The following PLXNC1 variants were observed in gnomAD, a reference collection of about 807,000 sequenced individuals.
PLXNC1 encodes the protein plexin-C1.
In PLXNC1, 75 loss-of-function variants were observed where a neutral mutation model predicts 178.2. The ratio of observed to expected loss-of-function variants is 0.42; its 90% confidence interval spans 0.35 to 0.51. The LOEUF (loss-of-function observed/expected upper bound fraction) is 0.51, where lower values mean the gene tolerates loss of function less well. Among genes scored for constraint, PLXNC1 ranks in the 20% least tolerant of loss-of-function variants. The probability of loss-of-function intolerance (pLI) is 0.02; values close to 1 mark genes in which losing one functional copy is unlikely to be tolerated. For synonymous variants in PLXNC1, 790 were observed against 779.9 expected (o/e 1.01, Z -0.22); for missense variants, 1,503 against 1,984.4 (o/e 0.76, Z 4.61).
chr12:94,182,347 G>T (rs2135961030), intron 3 of PLXNC1, among the ~76,000 whole-genome samples: 1 of 142,870 alleles, frequency 7.0e-6, no homozygotes, highest in South Asian at 2.4e-4. Flanking sequence ...GAGGCCAGGA[G>T]TTTAAGGCTG....
At chr12:94,234,948 C>T (rs1964201702) in intron 9 of PLXNC1, among the ~76,000 whole-genome samples, 1 of 152,194 alleles carries the variant, frequency 6.6e-6, no homozygotes, top group Non-Finnish European at 1.5e-5. Flanking sequence ...AGAATTGTTG[C>T]AACCATACAG....
At position 94,227,399 on chromosome 12, in the gene PLXNC1, C is replaced by T. The variant is rs986607076; in HGVS notation, c.1980+164C>T. ...TTAACCAAGTTTCACTTAATTAGCG[C>T]AATACATCAATGGCTGGACACTCAC... On this transcript the variant is annotated intron_variant, in intron 9 of 30. Transcript: ENST00000258526. 3 of 541,802 alleles carry T rather than the reference C, an allele frequency of 5.5e-6. No homozygotes were observed. In the South Asian group the frequency reaches 7.2e-5, roughly 13 times the overall value. 33.6% of individuals were successfully genotyped at this position (541,802 alleles called of 1,614,324 possible).
At chr12:94,180,044 C>T (rs1185318182) in intron 2 of PLXNC1, among the ~76,000 whole-genome samples, 1 of 152,114 alleles carries the variant, frequency 6.6e-6, no homozygotes, top group Non-Finnish European at 1.5e-5. Context: ...TCGAGTCTCC[C>T]GATGGCTCTT....
chr12:94,209,197 A>G (rs1425094925), intron 4 of PLXNC1, among the ~76,000 whole-genome samples: 2 of 152,234 alleles, frequency 1.3e-5, no homozygotes, highest in Non-Finnish European at 2.9e-5. Flanking sequence ...CAAACCTAAA[A>G]TTTATACAAT....
intron 15 of PLXNC1, 63 bp from the exon 16 acceptor site, chr12:94,254,724 T>C (rs750151148): frequency 8.7e-7 from 1 of 1,155,972 alleles, no homozygotes; most frequent in Non-Finnish European, 1.2e-6. Context: ...AAGATTGCTA[T>C]TTGTTTTCAT....
At chr12:94,268,063 G>T (rs975815928) in intron 21 of PLXNC1, among the ~76,000 whole-genome samples, 32 of 152,124 alleles carry the variant, frequency 2.1e-4, no homozygotes, top group African/African-American at 7.2e-4. Context: ...GCATCCTCAC[G>T]AACCACTTGA....
In PLXNC1 at chr12:94,265,088, G is replaced by A. The variant is rs1345815401; in HGVS notation, c.3460G>A (p.Gly1154Arg). 2.5e-6 allele frequency: 4 copies of A among 1,614,066 alleles called. No homozygotes were observed. The highest frequency in any genetic ancestry group is 2.5e-6 in the Non-Finnish European group (3 of 1,179,962). Residue 1154 changes from glycine to arginine, a missense_variant, in exon 21 of 31, where the codon GGA becomes AGA. Gly to Arg is a moderately radical substitution (Grantham distance 125). This residue lies in a region of PLXNC1 where 639 missense variants were observed against 979.7 expected (regional missense o/e 0.65). Transcript: ENST00000258526. The part of the protein sequence containing the change: ...CLSGFLRETV[G>R]EPFYLLVTTL... Reference sequence around the variant, plus strand: ...TTGTGTCTTTTCCAAGGAGACTGTCGGAGAGCCCTTCTATTTGCTGGTGAC... The same window carrying A: ...TTGTGTCTTTTCCAAGGAGACTGTCAGAGAGCCCTTCTATTTGCTGGTGAC...
intron 7 of PLXNC1, among the ~76,000 whole-genome samples, chr12:94,224,574 T>C (rs1401967841): frequency 1.3e-5 from 2 of 152,132 alleles, no homozygotes; most frequent in Non-Finnish European, 2.9e-5. Context: ...GAAATATGTC[T>C]TCCCAGGACC....
In PLXNC1 at chr12:94,164,025, TTACAGA is replaced by T. The variant is rs113940845; in HGVS notation, c.1063-5122_1063-5117del. Among the ~76,000 whole-genome samples, 1,121 of 152,212 alleles carry T rather than the reference TTACAGA, an allele frequency of 7.4e-3. 14 individuals are homozygous for T. Among genetic ancestry groups the T allele is most frequent in the African/African-American group, 0.026 (1,089 of 41,520 alleles). On this transcript the variant is annotated intron_variant, in intron 1 of 30. Transcript: ENST00000258526. The stretch of plus-strand genomic sequence containing the variant: ...GGCATGTGGTATTATTAGGTCCATT[TTACAGA>T]TACAGTCACTGAGGTTCAGGAGACT...
chr12:94,194,332 T>A (rs941669659), intron 4 of PLXNC1, among the ~76,000 whole-genome samples: 29 of 152,188 alleles, frequency 1.9e-4, no homozygotes, highest in African/African-American at 6.5e-4. Context: ...GAGACACAGA[T>A]CCAAACGATA....
chr12:94,227,598 G>T, intron 9 of PLXNC1: 1 of 225,266 alleles, frequency 4.4e-6, no homozygotes, highest in Non-Finnish European at 8.9e-6. Context: ...TTATGTGTGT[G>T]GATGGGGGTC....
rs927907030 is a variant in PLXNC1, at chr12:94,267,704, A to T, written c.3597+2479A>T. ...TTGTACGAGAAGCTGCAGAGAAGGC[A>T]CATGATCCGTTCTATGCTTGTGTGA... On this transcript the variant is annotated intron_variant, in intron 21 of 30. Coordinates refer to ENST00000258526, the MANE Select transcript of PLXNC1 (RefSeq NM_005761.3). 2.6e-5 allele frequency among the ~76,000 whole-genome samples: 4 copies of T among 152,212 alleles called. No individual in the cohort carries two copies. In the East Asian group the frequency reaches 7.7e-4, roughly 29 times the overall value.
chr12:94,229,846 GTTC>G (rs932003517), intron 9 of PLXNC1, among the ~76,000 whole-genome samples: 34 of 152,262 alleles, frequency 2.2e-4, no homozygotes, highest in African/African-American at 7.9e-4. Context: ...CTTCAACTTT[GTTC>G]TTCTTTTTCA....
intron 1 of PLXNC1, among the ~76,000 whole-genome samples, chr12:94,154,858 A>G (rs769861082): frequency 6.6e-6 from 1 of 151,366 alleles, no homozygotes; most frequent in Non-Finnish European, 1.5e-5. Flanking sequence ...TCTCTGTTGA[A>G]CCCCCCATAC....
chr12:94,157,968 C>T (rs1312749948), intron 1 of PLXNC1: 6 of 152,176 alleles, frequency 3.9e-5, no homozygotes, highest in Non-Finnish European at 8.8e-5. Context: ...TTCTTTTCAA[C>T]CATTTTAAAA....
At chr12:94,282,664 G>C in intron 23 of PLXNC1, 1 of 315,100 alleles carries the variant, frequency 3.2e-6, no homozygotes, top group Non-Finnish European at 5.9e-6. Flanking sequence ...CAGCAGAAAA[G>C]AACCCAGGAA....
intron 26 of PLXNC1, among the ~76,000 whole-genome samples, chr12:94,297,678 A>C (rs1294781019): frequency 6.6e-6 from 1 of 152,054 alleles, no homozygotes; most frequent in African/African-American, 2.4e-5. Context: ...CTCTTTCTCC[A>C]CCATTTCACT....
At chr12:94,155,559 A>G (rs1961136345) in intron 1 of PLXNC1, among the ~76,000 whole-genome samples, 1 of 152,198 alleles carries the variant, frequency 6.6e-6, no homozygotes, top group Admixed American at 6.5e-5. Context: ...AGTAACCAAC[A>G]CATTTTACCA....
intron 23 of PLXNC1, among the ~76,000 whole-genome samples, chr12:94,288,329 G>T (rs1205699482): frequency 1.3e-5 from 2 of 152,110 alleles, no homozygotes; most frequent in Admixed American, 1.3e-4. Flanking sequence ...CAGGCATCTG[G>T]GCTCTGACAA....
Sources: gnomAD v4.1 joint callset for allele counts (sites outside exome capture counted in the v4.1 genomes callset) on GRCh38, gnomAD v4.1.1 for gene constraint, gnomAD v4.1.1 regional missense constraint, MANE v1.5 for transcripts, NCBI Gene and HGNC (gene_info 2026-07-23, HGNC 2026-07-21) for gene names.